PUM1: variants seen among roughly 807,000 people sequenced by gnomAD.
PUM1 encodes the protein pumilio RNA binding family member 1.
A neutral mutation model predicts 131.8 loss-of-function variants in PUM1; 13 were observed. The ratio of observed to expected loss-of-function variants is 0.10; its 90% CI spans 0.06 to 0.16. The LOEUF (loss-of-function observed/expected upper bound fraction) is 0.16, where lower values mean the gene tolerates loss of function less well. PUM1 is among the 10% of genes least tolerant of loss of function. The pLI is 1.00. For synonymous variants in PUM1, 509 were observed against 556.5 expected, an observed-to-expected ratio of 0.91 and a Z score of 1.20; for missense variants, 961 against 1,512.4, an observed-to-expected ratio of 0.64 and a Z score of 6.05.
Position 31,065,664 on chromosome 1 carries a change from C to G in PUM1, c.-60G>C. 6.5e-7 allele frequency: 1 copy of G among 1,549,948 alleles called. No individual in the cohort carries two copies. Among genetic ancestry groups the G allele is most frequent in the African/African-American group, 1.4e-5 (1 of 73,150 alleles). ...GGATTTCAGCCCCCCGATCTTCTCT[C>G]TCTGGCGCTCTCGCTCCCCCTTACC... On this transcript the variant is annotated 5_prime_UTR_variant, in exon 1 of 22. Transcript: ENST00000426105.
chr1:30,971,312 A>G (rs1329181254), intron 10 of PUM1, among the ~76,000 whole-genome samples: 2 of 152,222 alleles, frequency 1.3e-5, no homozygotes, highest in Non-Finnish European at 2.9e-5. Flanking sequence ...CAAAAAAATC[A>G]TATTTTCCTC....
chr1:30,981,766 T>C (rs1641366918), intron 7 of PUM1, among the ~76,000 whole-genome samples: 1 of 152,130 alleles, frequency 6.6e-6, no homozygotes, highest in South Asian at 2.1e-4. Context: ...TCAAAAGCCC[T>C]AAAGATTATC....
At chr1:30,988,913 T>G (rs1178765076) in intron 7 of PUM1, among the ~76,000 whole-genome samples, 1 of 152,152 alleles carries the variant, frequency 6.6e-6, no homozygotes, top group East Asian at 1.9e-4. Flanking sequence ...CCCCAAATAT[T>G]CCACTACTGT....
At position 31,021,036 on chromosome 1, in the gene PUM1, G is replaced by T. The variant is rs11585900; in HGVS notation, c.432+7760C>A. Reference sequence around the variant, plus strand: ...GTCTGGTTACTGTATATATAATGAGGATATATTTCCATGCTCCAACAGATG... The same window carrying T: ...GTCTGGTTACTGTATATATAATGAGTATATATTTCCATGCTCCAACAGATG... On this transcript the variant is annotated intron_variant, in intron 3 of 21. Transcript: ENST00000426105. Among the ~76,000 whole-genome samples, 1,498 of 152,254 alleles carry T rather than the reference G, an allele frequency of 9.8e-3. 13 individuals are homozygous for T. Among genetic ancestry groups the T allele is most frequent in the Admixed American group, 0.019 (285 of 15,296 alleles).
Position 30,949,770 on chromosome 1 carries a change from A to G in PUM1, c.2856+357T>C, listed in dbSNP as rs1161430158. On this transcript the variant is annotated intron_variant, in intron 17 of 21. Transcript: ENST00000426105. ...TGAAAGAACAGGAGAGAAGGAGTAA[A>G]AAAATATGGAAGGTGGGTTGGATGA... Among the ~76,000 whole-genome samples the G allele has an allele frequency of 2.0e-5, 3 of 152,226 alleles. No individual in the cohort carries two copies. The East Asian group carries it at 5.8e-4, about 29-fold the overall frequency.
chr1:31,049,031 C>A (rs192548024), intron 2 of PUM1, among the ~76,000 whole-genome samples: 2 of 151,498 alleles, frequency 1.3e-5, no homozygotes, highest in Non-Finnish European at 2.9e-5. Context: ...TATGGCAAAA[C>A]CCCGTCTCTA....
chr1:31,028,964 G>T, intron 2 of PUM1, 100 bp from the exon 3 acceptor site: 1 of 929,744 alleles, frequency 1.1e-6, no homozygotes, highest in Non-Finnish European at 1.7e-6. Flanking sequence ...TTTACTTTCA[G>T]ACATTGGCAA....
At chr1:30,974,936 T>G in intron 9 of PUM1, 134 bp from the exon 10 acceptor site, 3 of 620,928 alleles carry the variant, frequency 4.8e-6, no homozygotes, top group East Asian at 3.1e-5. Flanking sequence ...TTATGCTAGC[T>G]AATCATTAAC....
intron 1 of PUM1, among the ~76,000 whole-genome samples, chr1:31,062,557 T>G (rs1396721399): frequency 6.7e-6 from 1 of 150,052 alleles, no homozygotes; most frequent in Non-Finnish European, 1.5e-5. Context: ...GAGGCGGAGG[T>G]TGCAGTGAGC....
chr1:31,004,321 A>C (rs1171519621), intron 5 of PUM1, among the ~76,000 whole-genome samples: 1 of 152,198 alleles, frequency 6.6e-6, no homozygotes, highest in Non-Finnish European at 1.5e-5. Flanking sequence ...AGTGCCCAAG[A>C]ATTAGAAACT....
At chr1:30,947,148 C>G (rs1162254586) in intron 17 of PUM1, among the ~76,000 whole-genome samples, 7 of 152,160 alleles carry the variant, frequency 4.6e-5, no homozygotes, top group Admixed American at 4.6e-4. Context: ...AAACTATAGA[C>G]CTAGATTCCC....
intron 16 of PUM1, among the ~76,000 whole-genome samples, 181 bp from the exon 17 acceptor site, chr1:30,950,442 C>T (rs1050769636): frequency 2.0e-5 from 3 of 152,240 alleles, no homozygotes; most frequent in African/African-American, 7.2e-5. Context: ...TTCTCGATCT[C>T]TTAATTATGA....
At position 30,953,961 on chromosome 1, in the gene PUM1, C is replaced by T. The variant is rs1557551888; in HGVS notation, c.2344G>A (p.Gly782Arg). 1 of 1,614,112 alleles carries T rather than the reference C, an allele frequency of 6.2e-7. No individual in the cohort carries two copies. Among genetic ancestry groups the T allele is most frequent in the Non-Finnish European group, 8.5e-7 (1 of 1,179,958 alleles). Residue 782 changes from glycine (G) to arginine (R), a missense_variant, in exon 15 of 22, where the codon GGA (glycine) becomes AGA (arginine). Coordinates refer to ENST00000426105, the MANE Select transcript of PUM1 (RefSeq NM_001020658.2). The stretch of plus-strand genomic sequence containing the variant: ...CCTGGAGCAGCAGAGATGTATCTTC[C>T]ACTGCCATTCGTGAGTCCTCCTGTT... Reference protein sequence around the residue: ...LNLGGLTNGSGRYISAAPGAE... With the variant: ...LNLGGLTNGSRRYISAAPGAE...
At chr1:30,955,928 C>A (rs532606618) in intron 14 of PUM1, among the ~76,000 whole-genome samples, 1 of 152,354 alleles carries the variant, frequency 6.6e-6, no homozygotes, top group Admixed American at 6.5e-5. Context: ...TATACACTTT[C>A]TCTGGAATTC....
chr1:30,932,667 T>TATATA lies in PUM1; in HGVS notation c.*543_*544insTATAT, dbSNP rs1438083829. On this transcript the variant is annotated 3_prime_UTR_variant, in exon 22 of 22. Transcript: ENST00000426105. ...TATATATATATATATATATATATAT[T>TATATA]TTTTATAAACAGTGTTAAATGCCAG... 9.3e-4 allele frequency: 134 copies of TATATA among 143,970 alleles called. No homozygotes were observed. The highest frequency in any genetic ancestry group is 2.6e-3 in the Admixed American group (37 of 14,390). The allele number at this position is 143,970 out of a possible 1,614,324, so 8.9% of individuals were successfully genotyped here. A position where few individuals can be genotyped will look rare whatever the true frequency, so the allele number is the denominator to read the frequency against.
chr1:31,049,864 C>A (rs1644067310), intron 2 of PUM1, among the ~76,000 whole-genome samples: 1 of 113,274 alleles, frequency 8.8e-6, no homozygotes, highest in Non-Finnish European at 1.7e-5. Context: ...GAGTCTTGCT[C>A]TGTCGCCCAA....
At chr1:30,964,978 G>A (rs912080138) in intron 13 of PUM1, 68 bp from the exon 14 acceptor site, 21 of 1,331,274 alleles carry the variant, frequency 1.6e-5, no homozygotes, top group African/African-American at 8.7e-5. Flanking sequence ...CCAGTGACCT[G>A]TTCCTAACAC....
chr1:31,005,761 A>G, intron 5 of PUM1, 92 bp downstream of exon 5: 1 of 1,268,042 alleles, frequency 7.9e-7, no homozygotes, highest in Non-Finnish European at 1.1e-6. Flanking sequence ...TAAGGAAACT[A>G]AACAGGCATG....
intron 2 of PUM1, among the ~76,000 whole-genome samples, chr1:31,033,102 G>A (rs560449522): frequency 7.9e-5 from 12 of 151,916 alleles, no homozygotes; most frequent in South Asian, 4.1e-4. Context: ...TAGGCTGGCA[G>A]AAATAAAAGG....
Sources: gnomAD v4.1 joint callset for allele counts (sites outside exome capture counted in the v4.1 genomes callset) on GRCh38, gnomAD v4.1.1 for gene constraint, MANE v1.5 for transcripts, NCBI Gene and HGNC (gene_info 2026-07-23, HGNC 2026-07-21) for gene names.